Variants in CLYBL observed in about 807,000 individuals in gnomAD.
CLYBL encodes citramalyl-CoA lyase, mitochondrial.
Under a neutral mutation model 38.9 loss-of-function variants are expected in CLYBL, and 31 were observed. That is an observed-to-expected ratio of 0.80 (90% CI 0.60 to 1.08). The LOEUF (loss-of-function observed/expected upper bound fraction) is 1.08. Ranked by LOEUF, CLYBL falls within the 50% of genes least tolerant of loss-of-function variation. CLYBL has a pLI of 0.00. For synonymous variants in CLYBL, 171 were observed against 158.6 expected, an observed-to-expected ratio of 1.08 and a Z score of -0.59; for missense variants, 434 against 411.6, an observed-to-expected ratio of 1.05 and a Z score of -0.47.
chr13:99,754,981 T>G (rs2049034290), intron 1 of CLYBL, among the ~76,000 whole-genome samples: 1 of 151,468 alleles, frequency 6.6e-6, no homozygotes, highest in East Asian at 1.9e-4. Flanking sequence ...CACTGCAAGC[T>G]CCGCCTCCCA....
intron 1 of CLYBL, among the ~76,000 whole-genome samples, chr13:99,672,787 C>T (rs2047586485): frequency 6.6e-6 from 1 of 152,070 alleles, no homozygotes; most frequent in South Asian, 2.1e-4. Flanking sequence ...ATATATTAAA[C>T]AGCAACAATA....
At chr13:99,614,934 C>G (rs2046686335) in intron 1 of CLYBL, among the ~76,000 whole-genome samples, 1 of 152,158 alleles carries the variant, frequency 6.6e-6, no homozygotes, top group Admixed American at 6.5e-5. Flanking sequence ...TCTGTCCTTG[C>G]AAATAACTCT....
chr13:99,657,320 A>G (rs753883271), intron 1 of CLYBL, among the ~76,000 whole-genome samples: 2 of 152,262 alleles, frequency 1.3e-5, no homozygotes, highest in Non-Finnish European at 2.9e-5. Flanking sequence ...TGGTGGAGAC[A>G]CATGGCTTTG....
downstream of CLYBL, chr13:99,896,402 C>G (rs990939189): frequency 1.3e-5 from 2 of 152,240 alleles, no homozygotes; most frequent in Admixed American, 1.3e-4. Flanking sequence ...CCCGCGCACC[C>G]TGCGCGCAGG....
At chr13:99,774,424 A>G (rs933213076) in intron 2 of CLYBL, among the ~76,000 whole-genome samples, 2 of 152,178 alleles carry the variant, frequency 1.3e-5, no homozygotes, top group South Asian at 2.1e-4. Flanking sequence ...TTACATTTGC[A>G]TGGAACTTTT....
intron 8 of CLYBL, among the ~76,000 whole-genome samples, chr13:99,904,071 C>G (rs61134003): frequency 6.6e-6 from 1 of 151,398 alleles, no homozygotes; most frequent in African/African-American, 2.4e-5. Flanking sequence ...AACAAAAAAA[C>G]CCCACACCTT....
intron 1 of CLYBL, among the ~76,000 whole-genome samples, chr13:99,761,049 C>G (rs116275748): frequency 8.0e-4 from 122 of 152,226 alleles, no homozygotes; most frequent in African/African-American, 2.8e-3. Flanking sequence ...CTCTGGTAAC[C>G]GTTAATATTT....
intron 1 of CLYBL, among the ~76,000 whole-genome samples, chr13:99,640,093 G>T (rs936921524): frequency 3.3e-5 from 5 of 152,088 alleles, no homozygotes; most frequent in Non-Finnish European, 5.9e-5. Context: ...AATCTCTCTT[G>T]ATACTATAAA....
chr13:99,811,860 A>G (rs895487391), intron 2 of CLYBL, among the ~76,000 whole-genome samples: 4 of 152,208 alleles, frequency 2.6e-5, no homozygotes, highest in Non-Finnish European at 4.4e-5. Context: ...TGAAATCTAC[A>G]GAGAAATACA....
At chr13:99,877,398 C>T (rs976216762) in intron 7 of CLYBL, among the ~76,000 whole-genome samples, 3 of 151,982 alleles carry the variant, frequency 2.0e-5, no homozygotes, top group Non-Finnish European at 2.9e-5. Flanking sequence ...TTTTCCTTGC[C>T]CTGAATTCTC....
chr13:99,624,305 G>T (rs1049782093), intron 1 of CLYBL, among the ~76,000 whole-genome samples: 10 of 152,222 alleles, frequency 6.6e-5, no homozygotes, highest in Non-Finnish European at 1.5e-4. Context: ...CTGATTAAAT[G>T]ATTCTTGAAT....
chr13:99,726,696 G>T (rs2048478522), intron 1 of CLYBL: 1 of 152,324 alleles, frequency 6.6e-6, no homozygotes, highest in African/African-American at 2.4e-5. Flanking sequence ...GGCCCTCAGT[G>T]CGTCCCCCCA....
At chr13:99,657,473 T>A (rs374583888) in intron 1 of CLYBL, among the ~76,000 whole-genome samples, 1 of 152,248 alleles carries the variant, frequency 6.6e-6, no homozygotes, top group Admixed American at 6.5e-5. Context: ...TTCTTGACTT[T>A]CCATATAATT....
chr13:99,847,975 CCTGT>C (rs1228265185), intron 2 of CLYBL, among the ~76,000 whole-genome samples: 4 of 152,172 alleles, frequency 2.6e-5, no homozygotes, highest in Non-Finnish European at 5.9e-5. Flanking sequence ...TGTCTGTCTG[CCTGT>C]CTGTCTGTCT....
chr13:99,729,695 T>G (rs968112411), intron 1 of CLYBL, among the ~76,000 whole-genome samples: 13 of 152,112 alleles, frequency 8.5e-5, no homozygotes, highest in African/African-American at 3.1e-4. Context: ...AATTAGCAAA[T>G]GATGGTCTTC....
chr13:99,661,417 A>G (rs1338333808), intron 1 of CLYBL, among the ~76,000 whole-genome samples: 1 of 151,952 alleles, frequency 6.6e-6, no homozygotes, highest in African/African-American at 2.4e-5. Context: ...ACTGAGATCA[A>G]AACATTTTTC....
At chr13:99,787,084 T>C (rs1190839258) in intron 2 of CLYBL, among the ~76,000 whole-genome samples, 1 of 152,214 alleles carries the variant, frequency 6.6e-6, no homozygotes, top group Admixed American at 6.5e-5. Flanking sequence ...TTTGAGTTCT[T>C]GGTGGATTCT....
chr13:99,780,998 G>A (rs9517882), intron 2 of CLYBL, among the ~76,000 whole-genome samples: 14,089 of 151,840 alleles, frequency 0.093, 773 homozygotes, highest in East Asian at 0.14. Flanking sequence ...ACAGGCATGA[G>A]CCACTGCACC....
intron 2 of CLYBL, among the ~76,000 whole-genome samples, chr13:99,784,449 C>T (rs72653945): frequency 0.01 from 522 of 52,118 alleles, 55 homozygotes; most frequent in East Asian, 0.041. Flanking sequence ...AAAATTCTCT[C>T]TTTTTTTTTT....
Sources: gnomAD v4.1 joint callset for allele counts (sites outside exome capture counted in the v4.1 genomes callset) on GRCh38, gnomAD v4.1.1 for gene constraint, MANE v1.5 for transcripts, NCBI Gene and HGNC (gene_info 2026-07-23, HGNC 2026-07-21) for gene names.